Variants in AGBL4 observed in about 807,000 individuals in gnomAD.
AGBL4 encodes the protein cytosolic carboxypeptidase 6.
A neutral mutation model predicts 66.4 loss-of-function variants in AGBL4; 58 were observed. The ratio of observed to expected loss-of-function variants is 0.87; its 90% CI spans 0.71 to 1.09. The LOEUF is 1.09. Ranked by LOEUF, AGBL4 falls within the 50% of genes least tolerant of loss-of-function variation. The pLI, the probability that AGBL4 is intolerant of heterozygous loss-of-function variation, is 0.00. For missense variants in AGBL4, 579 were observed against 631.0 expected, an observed-to-expected ratio of 0.92 and a Z score of 0.88; for synonymous variants, 234 against 222.9, an observed-to-expected ratio of 1.05 and a Z score of -0.44.
At chr1:48,812,448 A>G (rs1232903691) in intron 6 of AGBL4, among the ~76,000 whole-genome samples, 1 of 152,152 alleles carries the variant, frequency 6.6e-6, no homozygotes, top group Non-Finnish European at 1.5e-5. Flanking sequence ...GCTGGCCTAG[A>G]CAAACTCAGT....
At chr1:49,492,286 G>C (rs1647203764) in intron 3 of AGBL4, among the ~76,000 whole-genome samples, 2 of 151,952 alleles carry the variant, frequency 1.3e-5, no homozygotes, top group Admixed American at 6.6e-5. Context: ...TTAACAGACA[G>C]GTTGTGTATA....
intron 4 of AGBL4, among the ~76,000 whole-genome samples, chr1:49,127,726 A>G (rs1645795291): frequency 6.6e-6 from 1 of 152,120 alleles, no homozygotes; most frequent in African/African-American, 2.4e-5. Context: ...TATTCATTGA[A>G]AACTCCAAAA....
intron 3 of AGBL4, among the ~76,000 whole-genome samples, chr1:49,613,300 A>G (rs1645187829): frequency 2.0e-5 from 3 of 152,018 alleles, no homozygotes; most frequent in South Asian, 4.2e-4. Flanking sequence ...ACCAGGTGAC[A>G]GGATCATTCA....
At chr1:49,791,293 A>T (rs1367289954) in intron 2 of AGBL4, among the ~76,000 whole-genome samples, 1 of 152,134 alleles carries the variant, frequency 6.6e-6, no homozygotes, top group Admixed American at 6.5e-5. Flanking sequence ...AAAATGGAAT[A>T]CTAAATATAT....
intron 5 of AGBL4, among the ~76,000 whole-genome samples, chr1:48,891,871 T>C (rs559047178): frequency 4.6e-5 from 7 of 152,270 alleles, no homozygotes; most frequent in Non-Finnish European, 5.9e-5. Context: ...CATTAAACCA[T>C]GCTGTCTCCA....
intron 6 of AGBL4, among the ~76,000 whole-genome samples, chr1:48,836,967 A>G (rs1646689747): frequency 6.7e-6 from 1 of 148,366 alleles, no homozygotes; most frequent in African/African-American, 2.4e-5. Context: ...AAGATAATAT[A>G]TACAATATTA....
chr1:49,602,704 G>A (rs2124173011), intron 3 of AGBL4, among the ~76,000 whole-genome samples: 1 of 152,036 alleles, frequency 6.6e-6, no homozygotes, highest in Middle Eastern at 3.4e-3. Context: ...GGGGTTGGGG[G>A]GCTAGGGGAG....
intron 1 of AGBL4, among the ~76,000 whole-genome samples, chr1:50,010,669 A>G (rs1027045209): frequency 2.0e-5 from 3 of 152,196 alleles, no homozygotes; most frequent in African/African-American, 4.8e-5. Flanking sequence ...ATCCACACAC[A>G]TACAATGAAA....
At chr1:49,419,639 G>A (rs189657141) in intron 3 of AGBL4, among the ~76,000 whole-genome samples, 5 of 152,306 alleles carry the variant, frequency 3.3e-5, no homozygotes, top group African/African-American at 7.2e-5. Flanking sequence ...GATCAGCAGC[G>A]TAGTATGTAT....
intron 3 of AGBL4, among the ~76,000 whole-genome samples, chr1:49,671,403 T>G (rs1297496140): frequency 6.6e-6 from 1 of 151,960 alleles, no homozygotes; most frequent in Non-Finnish European, 1.5e-5. Flanking sequence ...CTAGGCAGTA[T>G]CATCCTGGAC....
chr1:48,789,350 C>T (rs1015736565), intron 6 of AGBL4, among the ~76,000 whole-genome samples: 2 of 151,442 alleles, frequency 1.3e-5, no homozygotes, highest in Admixed American at 6.6e-5. Context: ...GTGCAGTGGC[C>T]CAATCTCGGC....
At chr1:49,239,003 T>C (rs1055161322) in intron 4 of AGBL4, among the ~76,000 whole-genome samples, 1 of 152,208 alleles carries the variant, frequency 6.6e-6, no homozygotes, top group Non-Finnish European at 1.5e-5. Context: ...TAGTTTTAGC[T>C]GCGCTCTAGA....
At chr1:49,921,137 G>A (rs905501539) in intron 1 of AGBL4, among the ~76,000 whole-genome samples, 1 of 151,954 alleles carries the variant, frequency 6.6e-6, no homozygotes, top group East Asian at 1.9e-4. Context: ...TATACCTAAC[G>A]TAAATGATGA....
intron 4 of AGBL4, among the ~76,000 whole-genome samples, chr1:49,057,213 C>A (rs1432285285): frequency 6.6e-6 from 1 of 151,910 alleles, no homozygotes; most frequent in Non-Finnish European, 1.5e-5. Context: ...TAAGCCTGGG[C>A]AACATGGCAA....
chr1:49,139,077 A>G (rs942487615), intron 4 of AGBL4, among the ~76,000 whole-genome samples: 2 of 152,044 alleles, frequency 1.3e-5, no homozygotes, highest in Non-Finnish European at 2.9e-5. Context: ...ATCTCATGAG[A>G]ACTCGCTATC....
At chr1:49,143,789 A>G (rs1403151766) in intron 4 of AGBL4, among the ~76,000 whole-genome samples, 1 of 152,224 alleles carries the variant, frequency 6.6e-6, no homozygotes, top group Admixed American at 6.5e-5. Flanking sequence ...AAGATGTAGA[A>G]GTCAACAATG....
At chr1:49,795,511 T>C (rs1644708306) in intron 2 of AGBL4, among the ~76,000 whole-genome samples, 1 of 152,010 alleles carries the variant, frequency 6.6e-6, no homozygotes. Context: ...GAGACACATC[T>C]GTAGAATTGT....
At chr1:48,567,740 G>A (rs1280809117) in intron 11 of AGBL4, among the ~76,000 whole-genome samples, 5 of 152,198 alleles carry the variant, frequency 3.3e-5, no homozygotes, top group Non-Finnish European at 7.3e-5. Context: ...AGGAGCAGAT[G>A]GCACGTCTTT....
At chr1:49,806,878 C>G (rs2147961021) in intron 2 of AGBL4, among the ~76,000 whole-genome samples, 1 of 152,300 alleles carries the variant, frequency 6.6e-6, no homozygotes, top group African/African-American at 2.4e-5. Context: ...ACCCCAGGTT[C>G]AGCTCCAGTG....
Sources: gnomAD v4.1 joint callset for allele counts (sites outside exome capture counted in the v4.1 genomes callset) on GRCh38, gnomAD v4.1.1 for gene constraint, MANE v1.5 for transcripts, NCBI Gene and HGNC (gene_info 2026-07-23, HGNC 2026-07-21) for gene names.